ANKS1B: variants seen among roughly 807,000 people sequenced by gnomAD.
ANKS1B encodes ankyrin repeat and sterile alpha motif domain containing 1B.
In ANKS1B, 36 loss-of-function variants were observed where a neutral mutation model predicts 148.3. That is an observed-to-expected ratio of 0.24 (90% confidence interval 0.19 to 0.32). The LOEUF (loss-of-function observed/expected upper bound fraction) is 0.32, where lower values mean the gene tolerates loss of function less well. ANKS1B is among the 10% of genes least tolerant of loss of function. The pLI, the probability that ANKS1B is intolerant of heterozygous loss-of-function variation, is 1.00. For synonymous variants in ANKS1B, 542 were observed against 560.8 expected (o/e 0.97, Z 0.47); for missense variants, 1,157 against 1,542.6 (o/e 0.75, Z 4.19).
intron 14 of ANKS1B, among the ~76,000 whole-genome samples, chr12:99,217,685 C>T (rs1566657040): frequency 6.6e-6 from 1 of 152,048 alleles, no homozygotes; most frequent in African/African-American, 2.4e-5. Context: ...ATAACTGATC[C>T]CTTGTCTCCA....
chr12:98,864,210 T>C (rs573389998), intron 17 of ANKS1B, among the ~76,000 whole-genome samples: 5 of 152,284 alleles, frequency 3.3e-5, no homozygotes, highest in Non-Finnish European at 7.3e-5. Context: ...CGTGTGATAT[T>C]TTGATACATG....
intron 12 of ANKS1B, among the ~76,000 whole-genome samples, chr12:99,310,735 C>T (rs972665955): frequency 6.6e-6 from 1 of 152,140 alleles, no homozygotes; most frequent in Non-Finnish European, 1.5e-5. Context: ...TGGGAGTTGC[C>T]TGCTTCCATA....
chr12:98,833,619 G>A (rs2099344589), intron 17 of ANKS1B, among the ~76,000 whole-genome samples: 1 of 152,064 alleles, frequency 6.6e-6, no homozygotes, highest in South Asian at 2.1e-4. Flanking sequence ...TTAGATGTAG[G>A]TGGTATATGT....
intron 17 of ANKS1B, among the ~76,000 whole-genome samples, chr12:98,969,537 AC>A (rs2099881429): frequency 6.6e-6 from 1 of 151,936 alleles, no homozygotes; most frequent in Admixed American, 6.6e-5. Flanking sequence ...TAAGTAAAGA[AC>A]CCCAACCAAA....
chr12:99,324,313 G>A (rs895862063), intron 12 of ANKS1B, among the ~76,000 whole-genome samples: 7 of 152,094 alleles, frequency 4.6e-5, no homozygotes, highest in African/African-American at 1.4e-4. Context: ...GTGGGAAATT[G>A]TGGCACAGAG....
At chr12:99,551,891 T>C (rs1337991097) in intron 9 of ANKS1B, among the ~76,000 whole-genome samples, 3 of 152,094 alleles carry the variant, frequency 2.0e-5, no homozygotes, top group Admixed American at 6.5e-5. Context: ...GGTTGCAAGA[T>C]TGTTTATAAT....
chr12:99,227,316 T>G (rs901074312), intron 14 of ANKS1B, among the ~76,000 whole-genome samples: 1 of 152,190 alleles, frequency 6.6e-6, no homozygotes, highest in African/African-American at 2.4e-5. Flanking sequence ...TCTACCATGA[T>G]TGTAAGCTTT....
At chr12:99,248,328 T>C (rs191484639) in intron 12 of ANKS1B, among the ~76,000 whole-genome samples, 6 of 152,274 alleles carry the variant, frequency 3.9e-5, no homozygotes, top group Non-Finnish European at 7.4e-5. Flanking sequence ...GACTTCACCC[T>C]GGTTCCTGCT....
chr12:99,055,500 AAC>A (rs1348606594), intron 16 of ANKS1B, among the ~76,000 whole-genome samples: 1 of 152,186 alleles, frequency 6.6e-6, no homozygotes, highest in Non-Finnish European at 1.5e-5. Context: ...GCACTTACAC[AAC>A]ACTCTTTTGA....
chr12:98,800,710 T>G (rs2098997967), intron 21 of ANKS1B, among the ~76,000 whole-genome samples: 1 of 116,272 alleles, frequency 8.6e-6, no homozygotes, highest in Non-Finnish European at 1.9e-5. Flanking sequence ...TACACTCATT[T>G]CCATTTTAAG....
chr12:98,762,858 T>G (rs1254336244), intron 25 of ANKS1B, among the ~76,000 whole-genome samples: 7 of 152,262 alleles, frequency 4.6e-5, no homozygotes. Context: ...GGGCTTTGCA[T>G]CTCTAGGGCT....
intron 8 of ANKS1B, among the ~76,000 whole-genome samples, chr12:99,738,408 G>C (rs944862290): frequency 6.6e-6 from 1 of 151,980 alleles, no homozygotes; most frequent in Non-Finnish European, 1.5e-5. Context: ...TATTTGTTGG[G>C]TCACTAAGCC....
At chr12:99,725,608 T>G (rs1436077928) in intron 8 of ANKS1B, among the ~76,000 whole-genome samples, 2 of 152,044 alleles carry the variant, frequency 1.3e-5, no homozygotes, top group African/African-American at 4.8e-5. Context: ...AGACAGAAAA[T>G]TAACAAGGAT....
intron 17 of ANKS1B, among the ~76,000 whole-genome samples, chr12:98,902,035 A>G (rs1299526984): frequency 2.0e-5 from 3 of 152,242 alleles, no homozygotes; most frequent in African/African-American, 7.2e-5. Context: ...GGGCATATTT[A>G]CAGATCTGAC....
At chr12:98,874,238 T>C (rs1455438405) in intron 17 of ANKS1B, among the ~76,000 whole-genome samples, 1 of 151,666 alleles carries the variant, frequency 6.6e-6, no homozygotes, top group African/African-American at 2.4e-5. Context: ...GTGAGAGCAA[T>C]AACAATCTGT....
chr12:99,631,893 C>G (rs544745195), intron 9 of ANKS1B, among the ~76,000 whole-genome samples: 4 of 152,220 alleles, frequency 2.6e-5, no homozygotes, highest in African/African-American at 9.6e-5. Flanking sequence ...GAGAGGAAAC[C>G]AAGGGTGTAG....
chr12:99,981,217 T>C (rs1018637850), intron 1 of ANKS1B, among the ~76,000 whole-genome samples: 2 of 152,116 alleles, frequency 1.3e-5, no homozygotes, highest in Admixed American at 1.3e-4. Context: ...TATAATGATC[T>C]TATATGATAG....
chr12:99,504,799 C>G (rs765489085), intron 9 of ANKS1B, 158 bp from the exon 10 acceptor site: 7 of 577,302 alleles, frequency 1.2e-5, no homozygotes, highest in Non-Finnish European at 2.0e-5. Flanking sequence ...CATGTAAACC[C>G]AATATCAGTG....
intron 4 of ANKS1B, among the ~76,000 whole-genome samples, chr12:99,803,867 C>T (rs150657114): frequency 6.4e-4 from 98 of 152,238 alleles, no homozygotes; most frequent in African/African-American, 2.0e-3. Context: ...TTTCCTCACC[C>T]GTAGATCCAC....
Sources: gnomAD v4.1 joint callset for allele counts (sites outside exome capture counted in the v4.1 genomes callset) on GRCh38, gnomAD v4.1.1 for gene constraint, MANE v1.5 for transcripts, NCBI Gene and HGNC (gene_info 2026-07-23, HGNC 2026-07-21) for gene names.